MYLK: variants seen among roughly 807,000 people sequenced by gnomAD.
The protein encoded by MYLK is myosin light chain kinase.
In MYLK, 106 loss-of-function variants were observed where a neutral mutation model predicts 203.4. That is an observed-to-expected ratio of 0.52 (90% CI 0.45 to 0.61). The LOEUF is 0.61. MYLK is among the 20% of genes least tolerant of loss of function. The pLI is 0.00. For missense variants in MYLK, 2,072 were observed against 2,442.3 expected (o/e 0.85, Z 3.20); for synonymous variants, 867 against 959.5 (o/e 0.90, Z 1.78).
intron 3 of MYLK, among the ~76,000 whole-genome samples, chr3:123,794,966 C>T (rs1381629091): frequency 6.6e-6 from 1 of 152,184 alleles, no homozygotes; most frequent in East Asian, 1.9e-4. Flanking sequence ...GGTGGAATAA[C>T]TTGCCCATTA....
rs758629379 is a variant in MYLK, at chr3:123,640,275, G to A, written c.4837+12C>T. 6.2e-7 allele frequency: 1 copy of A among 1,613,290 alleles called. No homozygotes were observed. Among genetic ancestry groups the A allele is most frequent in the Non-Finnish European group, 8.5e-7 (1 of 1,179,356 alleles). The stretch of plus-strand genomic sequence containing the variant: ...CACACTGGTGTCCATGGGAGAGGCA[G>A]ATGAGCCTTACCCAGCCTCCTGGCC... On this transcript the variant is annotated intron_variant, in intron 28 of 33. Transcript: ENST00000360304. The surrounding 1 kb of genome is among the most constrained non-coding windows in gnomAD (Gnocchi z 4.3).
At chr3:123,829,444 G>A (rs1032094546) in intron 3 of MYLK, among the ~76,000 whole-genome samples, 2 of 152,058 alleles carry the variant, frequency 1.3e-5, no homozygotes, top group African/African-American at 4.8e-5. Context: ...GGCTGGGAAG[G>A]GTAGGAAGAA....
At chr3:123,790,540 AT>A (rs1202579109) in intron 4 of MYLK, among the ~76,000 whole-genome samples, 6 of 152,216 alleles carry the variant, frequency 3.9e-5, no homozygotes, top group Non-Finnish European at 8.8e-5. Flanking sequence ...GGTGCCTGTT[AT>A]CCCATCTTAA....
At chr3:123,671,493 T>G (rs1576497124) in intron 20 of MYLK, among the ~76,000 whole-genome samples, 2 of 151,232 alleles carry the variant, frequency 1.3e-5, no homozygotes, top group African/African-American at 4.9e-5. Context: ...CAAGCAAGGG[T>G]AGAGGACAGA....
chr3:123,656,812 G>T (rs1330341492), intron 24 of MYLK, among the ~76,000 whole-genome samples: 1 of 152,234 alleles, frequency 6.6e-6, no homozygotes, highest in African/African-American at 2.4e-5. Flanking sequence ...AAGAGGAGAA[G>T]AGAAGGGGTG....
At chr3:123,759,614 A>C (rs1460550479) in intron 4 of MYLK, among the ~76,000 whole-genome samples, 1 of 152,174 alleles carries the variant, frequency 6.6e-6, no homozygotes, top group Admixed American at 6.5e-5. Flanking sequence ...CCAATTGGTA[A>C]AATGCCTCCT....
Position 123,709,722 on chromosome 3 carries a change from T to C in MYLK, c.1942+34A>G, listed in dbSNP as rs183286565. ...CCCATTGCAACCAAGACCATTTTCA[T>C]GTTAATCCCCAAGAGAGAGCTGCAG... On this transcript the variant is annotated intron_variant, in intron 14 of 33. Transcript: ENST00000360304. The C allele has an allele frequency of 6.9e-5, 111 of 1,612,280 alleles. 1 individual carries two copies. The East Asian group carries it at 2.0e-3, about 29-fold the overall frequency.
At chr3:123,682,040 A>T in intron 20 of MYLK, 184 bp downstream of exon 20, 1 of 668,956 alleles carries the variant, frequency 1.5e-6, no homozygotes, top group Non-Finnish European at 2.7e-6. Context: ...ATGGGGTGAG[A>T]AAAGGCCACT....
At chr3:123,717,223 C>T (rs1310548252) in intron 13 of MYLK, among the ~76,000 whole-genome samples, 1 of 152,162 alleles carries the variant, frequency 6.6e-6, no homozygotes, top group Non-Finnish European at 1.5e-5. Flanking sequence ...CTGTGCATAA[C>T]CAGGGAAGAC....
At chr3:123,712,234 A>G (rs957362135) in intron 13 of MYLK, among the ~76,000 whole-genome samples, 1 of 152,208 alleles carries the variant, frequency 6.6e-6, no homozygotes, top group African/African-American at 2.4e-5. Context: ...GCATTGATCT[A>G]TCTCGTTTCT....
Position 123,642,009 on chromosome 3 carries a change from C to T in MYLK, c.4620-1505G>A, listed in dbSNP as rs1166122717. 3.9e-5 allele frequency among the ~76,000 whole-genome samples: 6 copies of T among 151,976 alleles called. No individual in the cohort carries two copies. Among genetic ancestry groups the T allele is most frequent in the Middle Eastern group, 3.2e-3 (1 of 316 alleles). On this transcript the variant is annotated intron_variant, in intron 27 of 33. Transcript: ENST00000360304. The surrounding 1 kb of genome is among the most constrained non-coding windows in gnomAD (Gnocchi z 4.2). ...AGCTAGGACTACAGGTATGTGCCAC[C>T]GCACCTGGCTAATTTTTTTAATGTT...
chr3:123,837,141 C>T (rs1170382977), intron 2 of MYLK, among the ~76,000 whole-genome samples: 1 of 152,182 alleles, frequency 6.6e-6, no homozygotes, highest in Non-Finnish European at 1.5e-5. Flanking sequence ...TCAAGCAATT[C>T]TCCTGCCTCA....
chr3:123,883,185 G>A (rs569719064), intron 1 of MYLK, among the ~76,000 whole-genome samples: 10 of 152,202 alleles, frequency 6.6e-5, no homozygotes, highest in African/African-American at 2.4e-4. Flanking sequence ...GCAGCTCCAG[G>A]GCAGGCTCTC....
intron 29 of MYLK, among the ~76,000 whole-genome samples, chr3:123,637,014 G>A (rs903054622): frequency 1.3e-5 from 2 of 152,144 alleles, no homozygotes; most frequent in African/African-American, 2.4e-5. Flanking sequence ...CATCAGAATC[G>A]CCCAGAACCT....
At chr3:123,766,703 T>C (rs997547210) in intron 4 of MYLK, among the ~76,000 whole-genome samples, 2 of 152,264 alleles carry the variant, frequency 1.3e-5, no homozygotes. Flanking sequence ...AAACAGCTCT[T>C]GCTGAACCAG....
At chr3:123,639,961 G>A (rs2058773261) in intron 28 of MYLK, among the ~76,000 whole-genome samples, 1 of 152,056 alleles carries the variant, frequency 6.6e-6, no homozygotes, top group Non-Finnish European at 1.5e-5. Context: ...AAAACAAAAG[G>A]GGATAATCAT....
intron 21 of MYLK, 52 bp from the exon 22 acceptor site, chr3:123,666,398 T>C (rs2059736599): frequency 1.2e-6 from 2 of 1,613,098 alleles, no homozygotes; most frequent in African/African-American, 1.3e-5. Context: ...TCAGGCATTC[T>C]GATCACATTC....
intron 2 of MYLK, among the ~76,000 whole-genome samples, chr3:123,855,249 C>T (rs1277505191): frequency 6.6e-6 from 1 of 151,910 alleles, no homozygotes; most frequent in Non-Finnish European, 1.5e-5. Context: ...TGTCATTTAC[C>T]TTCCATACCT....
chr3:123,666,212 C>T lies in MYLK; in HGVS notation c.3831+7G>A. On this transcript the variant is annotated splice_region_variant and intron_variant, in intron 22 of 33. Transcript: ENST00000360304. ...ACCCCCAGTGCCCACCCCATACCGT[C>T]ACTGACCTGCTTTCGGAACTTCATC... 1.9e-6 allele frequency: 3 copies of T among 1,614,236 alleles called. No homozygotes were observed. In the South Asian group the frequency reaches 3.3e-5, roughly 18 times the overall value.
Sources: gnomAD v4.1 joint callset for allele counts (sites outside exome capture counted in the v4.1 genomes callset) on GRCh38, gnomAD v4.1.1 for gene constraint, Gnocchi (gnomAD v3.1) non-coding constraint, MANE v1.5 for transcripts, NCBI Gene and HGNC (gene_info 2026-07-23, HGNC 2026-07-21) for gene names.